The following LINGO2 variants were observed in gnomAD, a reference collection of about 807,000 sequenced individuals.
The protein encoded by LINGO2 is leucine-rich repeat and immunoglobulin-like domain-containing nogo receptor-interacting protein 2.
In LINGO2, 14 loss-of-function variants were observed where a neutral mutation model predicts 30.6. The observed-to-expected ratio is 0.46, with a 90% confidence interval of 0.30 to 0.72. The LOEUF is 0.72. Among genes scored for constraint, LINGO2 ranks in the 30% least tolerant of loss-of-function variants. LINGO2 has a pLI of 0.07. For missense variants in LINGO2, 729 were observed against 751.7 expected (o/e 0.97, Z 0.35); for synonymous variants, 317 against 288.5 (o/e 1.10, Z -1.00).
At chr9:28,843,723 T>A in the LINGO2 span, among the ~76,000 whole-genome samples, 1 of 151,934 alleles carries the variant, frequency 6.6e-6, no homozygotes, top group East Asian at 1.9e-4. Flanking sequence ...GTGTTGTTAG[T>A]TTTGTTAGTG....
At chr9:28,821,629 G>C in the LINGO2 span, among the ~76,000 whole-genome samples, 1 of 152,172 alleles carries the variant, frequency 6.6e-6, no homozygotes, top group Admixed American at 6.5e-5. Flanking sequence ...AGAACAATAG[G>C]CCTGGTGCTG....
the LINGO2 span, among the ~76,000 whole-genome samples, chr9:29,130,410 A>G: frequency 1.3e-5 from 2 of 152,136 alleles, no homozygotes; most frequent in Non-Finnish European, 2.9e-5. Context: ...TACTATTTAC[A>G]TTGAGCATGG....
At chr9:28,564,711 C>T (rs1823276856) in intron 1 of LINGO2, among the ~76,000 whole-genome samples, 1 of 152,226 alleles carries the variant, frequency 6.6e-6, no homozygotes, top group Admixed American at 6.5e-5. Context: ...TAGACCTATG[C>T]TTGCACCAAT....
intron 2 of LINGO2, among the ~76,000 whole-genome samples, chr9:28,440,868 C>T (rs1278421615): frequency 6.6e-6 from 1 of 152,012 alleles, no homozygotes; most frequent in Non-Finnish European, 1.5e-5. Context: ...CATACTTATT[C>T]AGAATATATA....
At chr9:28,483,039 G>C (rs1390027312) in intron 1 of LINGO2, among the ~76,000 whole-genome samples, 1 of 152,026 alleles carries the variant, frequency 6.6e-6, no homozygotes, top group Non-Finnish European at 1.5e-5. Context: ...TTGTAAAGAA[G>C]AATTAAATAG....
chr9:27,968,266 C>CTT (rs1820192834), intron 5 of LINGO2, among the ~76,000 whole-genome samples: 1 of 151,914 alleles, frequency 6.6e-6, no homozygotes, highest in African/African-American at 2.4e-5. Context: ...CAAAGATGCA[C>CTT]TTTATTACAT....
intron 4 of LINGO2, among the ~76,000 whole-genome samples, chr9:28,270,431 C>G (rs997638865): frequency 1.3e-5 from 2 of 151,936 alleles, no homozygotes; most frequent in African/African-American, 2.4e-5. Flanking sequence ...ACACTAAAGC[C>G]ACCAGGAGAG....
At chr9:28,574,476 A>C (rs10968658) in intron 1 of LINGO2, among the ~76,000 whole-genome samples, 85,691 of 151,920 alleles carry the variant, frequency 0.56, 24,771 homozygotes, top group East Asian at 0.65. Context: ...TGTCTATGAC[A>C]CTAATGTTGT....
intron 4 of LINGO2, among the ~76,000 whole-genome samples, chr9:28,267,440 T>G (rs1483706824): frequency 6.6e-6 from 1 of 152,044 alleles, no homozygotes; most frequent in Non-Finnish European, 1.5e-5. Flanking sequence ...CAAACTATTT[T>G]ATCTGGGTTG....
At chr9:28,795,122 C>A in the LINGO2 span, among the ~76,000 whole-genome samples, 1 of 152,114 alleles carries the variant, frequency 6.6e-6, no homozygotes, top group Admixed American at 6.5e-5. Flanking sequence ...GTGTGAGCCA[C>A]CACGGCTGGC....
intron 3 of LINGO2, among the ~76,000 whole-genome samples, chr9:28,335,760 C>T (rs2134364752): frequency 6.6e-6 from 1 of 152,190 alleles, no homozygotes; most frequent in South Asian, 2.1e-4. Flanking sequence ...TGAAAGCATT[C>T]AAATTTTAAA....
At chr9:28,745,116 T>C in the LINGO2 span, among the ~76,000 whole-genome samples, 1 of 152,036 alleles carries the variant, frequency 6.6e-6, no homozygotes, top group Admixed American at 6.5e-5. Context: ...AAGTTCCTTC[T>C]AGGATTACTC....
chr9:28,521,395 A>G (rs1253449120), intron 1 of LINGO2, among the ~76,000 whole-genome samples: 2 of 152,200 alleles, frequency 1.3e-5, no homozygotes, highest in Non-Finnish European at 2.9e-5. Flanking sequence ...CCTACTTACA[A>G]TGCCAAACCT....
chr9:29,138,738 A>G, the LINGO2 span, among the ~76,000 whole-genome samples: 1 of 152,052 alleles, frequency 6.6e-6, no homozygotes. Context: ...CTCAGTGTGG[A>G]TAAATAATTC....
At chr9:28,976,725 A>G in the LINGO2 span, among the ~76,000 whole-genome samples, 4 of 152,094 alleles carry the variant, frequency 2.6e-5, no homozygotes, top group Non-Finnish European at 5.9e-5. Context: ...AATGAGCCAA[A>G]GAACACAGTA....
chr9:29,103,461 G>A, the LINGO2 span, among the ~76,000 whole-genome samples: 1 of 151,736 alleles, frequency 6.6e-6, no homozygotes, highest in Non-Finnish European at 1.5e-5. Flanking sequence ...CTAACCTATA[G>A]CAACATAATA....
chr9:28,405,189 A>T (rs1822448256), intron 2 of LINGO2, among the ~76,000 whole-genome samples: 1 of 152,168 alleles, frequency 6.6e-6, no homozygotes, highest in Non-Finnish European at 1.5e-5. Flanking sequence ...CTTTCAAAGA[A>T]CACTAATATA....
intron 2 of LINGO2, among the ~76,000 whole-genome samples, chr9:28,415,290 T>C (rs374302496): frequency 1.4e-4 from 21 of 152,300 alleles, no homozygotes; most frequent in East Asian, 1.2e-3. Context: ...GGTCTTTCTC[T>C]TAGCTCCCTC....
chr9:29,202,099 A>G, the LINGO2 span, among the ~76,000 whole-genome samples: 1 of 152,054 alleles, frequency 6.6e-6, no homozygotes, highest in African/African-American at 2.4e-5. Flanking sequence ...GTCCAAAGAT[A>G]TTTTTAATGG....
Sources: gnomAD v4.1 joint callset for allele counts (sites outside exome capture counted in the v4.1 genomes callset) on GRCh38, gnomAD v4.1.1 for gene constraint, MANE v1.5 for transcripts, NCBI Gene and HGNC (gene_info 2026-07-23, HGNC 2026-07-21) for gene names.